Variants in LY86 observed in about 807,000 individuals in gnomAD.
The protein encoded by LY86 is MD-1, RP105-associated.
In LY86, 20 loss-of-function variants were observed where a neutral mutation model predicts 17.3. The ratio of observed to expected loss-of-function variants is 1.15; its 90% CI spans 0.81 to 1.68. LY86 has a LOEUF of 1.68. Ranked by LOEUF, LY86 falls within the 40% of genes most tolerant of loss-of-function variation. The pLI, the probability that LY86 is intolerant of heterozygous loss-of-function variation, is 0.00. For missense variants in LY86, 200 were observed against 191.9 expected, an observed-to-expected ratio of 1.04 and a Z score of -0.25; for synonymous variants, 74 against 70.6, an observed-to-expected ratio of 1.05 and a Z score of -0.24.
chr6:6,607,045 G>C (rs1383073963), intron 1 of LY86, among the ~76,000 whole-genome samples: 1 of 152,256 alleles, frequency 6.6e-6, no homozygotes, highest in African/African-American at 2.4e-5. Context: ...TGCACGGGAC[G>C]TGAACACTAG....
chr6:6,604,425 A>G lies in LY86; in HGVS notation c.136+15555A>G, dbSNP rs140170759. Reference sequence around the variant, plus strand: ...AATAAAATAAGACCCTTTAAAATGCAACATTTAATTGTTGAAATGAAAAAA... The same window carrying G: ...AATAAAATAAGACCCTTTAAAATGCGACATTTAATTGTTGAAATGAAAAAA... On this transcript the variant is annotated intron_variant, in intron 1 of 4. Coordinates refer to ENST00000230568, the MANE Select transcript of LY86 (RefSeq NM_004271.4). 1.6e-4 allele frequency among the ~76,000 whole-genome samples: 24 copies of G among 152,362 alleles called. 1 individual carries two copies. The East Asian group carries it at 4.6e-3, about 29-fold the overall frequency.
intron 1 of LY86, among the ~76,000 whole-genome samples, chr6:6,612,762 TAC>T (rs1413956220): frequency 6.6e-6 from 1 of 152,252 alleles, no homozygotes; most frequent in Non-Finnish European, 1.5e-5. Context: ...ATTAGCTAGA[TAC>T]AGAGTGTTGA....
rs192842591 is a variant in LY86 at position 6,621,245 on chromosome 6, C to T, written c.137-3681C>T. ...TCTCTGCCCTTGAATTCCCAGAACG[C>T]CAACTCTGATTAACTTTCCGATGTT... On this transcript the variant is annotated intron_variant, in intron 1 of 4. Transcript: ENST00000230568. 13 of 152,356 alleles carry T rather than the reference C, an allele frequency of 8.5e-5. No homozygotes were observed. The East Asian group carries it at 2.5e-3, about 29-fold the overall frequency. 9.4% of individuals were successfully genotyped at this position (152,356 alleles called of 1,614,324 possible).
intron 3 of LY86, among the ~76,000 whole-genome samples, chr6:6,630,933 T>C (rs1310461094): frequency 6.6e-6 from 1 of 152,220 alleles, no homozygotes; most frequent in African/African-American, 2.4e-5. Flanking sequence ...GAAATGTTAA[T>C]ATTTGGAATA....
chr6:6,617,232 G>T (rs1761575370), intron 1 of LY86, among the ~76,000 whole-genome samples: 1 of 152,188 alleles, frequency 6.6e-6, no homozygotes, highest in Non-Finnish European at 1.5e-5. Flanking sequence ...GGGTGAACTG[G>T]CCTGGTCAAA....
chr6:6,615,589 G>A (rs1761534020), intron 1 of LY86, among the ~76,000 whole-genome samples: 1 of 152,102 alleles, frequency 6.6e-6, no homozygotes, highest in South Asian at 2.1e-4. Context: ...CATGGTGGTG[G>A]CACACACCTG....
intron 3 of LY86, among the ~76,000 whole-genome samples, chr6:6,636,944 A>C (rs1397526526): frequency 6.6e-6 from 1 of 150,682 alleles, no homozygotes; most frequent in Non-Finnish European, 1.5e-5. Context: ...AGAGGGTACA[A>C]GCAATGACTA....
At chr6:6,598,630 G>T (rs188033243) in intron 1 of LY86, among the ~76,000 whole-genome samples, 3 of 152,294 alleles carry the variant, frequency 2.0e-5, no homozygotes, top group Admixed American at 6.5e-5. Context: ...CCTCTACCCT[G>T]CTGCTTTTTT....
intron 1 of LY86, among the ~76,000 whole-genome samples, 180 bp downstream of exon 1, chr6:6,589,050 G>A (rs960373257): frequency 6.6e-6 from 1 of 152,136 alleles, no homozygotes; most frequent in Non-Finnish European, 1.5e-5. Flanking sequence ...GGAGCGGTGG[G>A]GCCAGGACTG....
intron 1 of LY86, among the ~76,000 whole-genome samples, chr6:6,595,339 A>T (rs1369900245): frequency 7.0e-6 from 1 of 143,734 alleles, no homozygotes; most frequent in Admixed American, 7.1e-5. Context: ...GAGGAGAGAA[A>T]TGAGAAGCAG....
At position 6,600,603 on chromosome 6, in the gene LY86, A is replaced by T; in HGVS notation, c.136+11733A>T. ...AGACTCCATCAAAAAAAAAAAAAAA[A>T]AAAAAAAAAAAAAAAAAAAAAAAAA... On this transcript the variant is annotated intron_variant, in intron 1 of 4. Coordinates refer to ENST00000230568, the MANE Select transcript of LY86 (RefSeq NM_004271.4). Among the ~76,000 whole-genome samples the T allele has an allele frequency of 4.3e-5, 2 of 47,024 alleles. 1 individual carries two copies. The highest frequency in any genetic ancestry group is 6.1e-4 in the East Asian group (2 of 3,268). 30.8% of individuals were successfully genotyped at this position (47,024 alleles called of 152,430 possible). A position where few individuals can be genotyped will look rare whatever the true frequency, so the allele number is the denominator to read the frequency against.
chr6:6,627,694 T>C (rs529413361), intron 3 of LY86, among the ~76,000 whole-genome samples: 30 of 152,132 alleles, frequency 2.0e-4, no homozygotes, highest in Non-Finnish European at 4.3e-4. Context: ...CCTAACACGA[T>C]TGAGCATTCG....
intron 1 of LY86, among the ~76,000 whole-genome samples, chr6:6,598,657 C>CT (rs1280931707): frequency 1.3e-5 from 2 of 152,164 alleles, no homozygotes; most frequent in Non-Finnish European, 2.9e-5. Flanking sequence ...GTGATGTGCT[C>CT]TTTAAGTTGT....
intron 3 of LY86, among the ~76,000 whole-genome samples, chr6:6,643,030 G>C (rs2113158834): frequency 6.6e-6 from 1 of 152,288 alleles, no homozygotes; most frequent in South Asian, 2.1e-4. Context: ...GGAGAGTGAG[G>C]GCTGCATCCT....
At chr6:6,605,678 C>G (rs114656464) in intron 1 of LY86, among the ~76,000 whole-genome samples, 1,803 of 152,374 alleles carry the variant, frequency 0.012, 38 homozygotes, top group African/African-American at 0.039. Flanking sequence ...ATGGGTTCTT[C>G]ATCTCACGGA....
chr6:6,607,863 G>A (rs1292127303), intron 1 of LY86, among the ~76,000 whole-genome samples: 1 of 152,008 alleles, frequency 6.6e-6, no homozygotes, highest in African/African-American at 2.4e-5. Context: ...TAGTGCCACT[G>A]CACTCCAGCT....
At chr6:6,605,642 G>A (rs781186042) in intron 1 of LY86, among the ~76,000 whole-genome samples, 4 of 152,354 alleles carry the variant, frequency 2.6e-5, no homozygotes, top group African/African-American at 4.8e-5. Context: ...CAATGTTTTC[G>A]CTATGTTCTA....
chr6:6,651,523 T>A (rs1471924352), intron 4 of LY86, among the ~76,000 whole-genome samples: 2 of 152,196 alleles, frequency 1.3e-5, no homozygotes, highest in African/African-American at 4.8e-5. Context: ...TCTTCACTTC[T>A]AGTATGAGGG....
chr6:6,645,342 G>A (rs556680081), intron 3 of LY86, among the ~76,000 whole-genome samples: 12 of 152,154 alleles, frequency 7.9e-5, no homozygotes, highest in African/African-American at 2.9e-4. Flanking sequence ...TACCCTTCCT[G>A]GGGACCACAT....
Sources: gnomAD v4.1 joint callset for allele counts (sites outside exome capture counted in the v4.1 genomes callset) on GRCh38, gnomAD v4.1.1 for gene constraint, MANE v1.5 for transcripts, NCBI Gene and HGNC (gene_info 2026-07-23, HGNC 2026-07-21) for gene names.